Variants in ZFAT observed in about 807,000 individuals in gnomAD.
The protein encoded by ZFAT is zinc finger protein ZFAT.
ZFAT carries 64 observed loss-of-function variants against 117.7 expected under a neutral mutation model. The observed-to-expected ratio is 0.54, with a 90% confidence interval of 0.44 to 0.67. ZFAT has a LOEUF of 0.67. Among genes scored for constraint, ZFAT ranks in the 30% least tolerant of loss-of-function variants. The pLI is 0.00. For synonymous variants in ZFAT, 679 were observed against 615.0 expected (o/e 1.10, Z -1.54); for missense variants, 1,433 against 1,584.5 (o/e 0.90, Z 1.62).
intron 15 of ZFAT, among the ~76,000 whole-genome samples, chr8:134,502,242 C>T (rs372904688): frequency 4.0e-4 from 61 of 152,188 alleles, no homozygotes; most frequent in African/African-American, 1.4e-3. Flanking sequence ...TCTCTCAAGC[C>T]AGAGGCTGCA....
In ZFAT at chr8:134,661,865, C is replaced by A. The variant is rs111300143; in HGVS notation, c.20-4128G>T. Among the ~76,000 whole-genome samples, 4 of 152,188 alleles carry A rather than the reference C, an allele frequency of 2.6e-5. No homozygotes were observed. In the East Asian group the frequency reaches 5.8e-4, roughly 22 times the overall value. ...GCAGATGCCTACTAGGAGCAGGCAG[C>A]GCAAGACGGGGTGGGGTTCAGCTAC... On this transcript the variant is annotated intron_variant, in intron 1 of 15. Coordinates refer to ENST00000377838, the MANE Select transcript of ZFAT (RefSeq NM_020863.4).
At chr8:134,741,118 T>C in the ZFAT span, among the ~76,000 whole-genome samples, 1 of 152,104 alleles carries the variant, frequency 6.6e-6, no homozygotes, top group South Asian at 2.1e-4. Context: ...TCCACCTATA[T>C]TGACTCCTTC....
chr8:134,693,314 A>G (rs150425825), intron 1 of ZFAT, among the ~76,000 whole-genome samples: 42 of 152,336 alleles, frequency 2.8e-4, no homozygotes, highest in African/African-American at 7.2e-4. Flanking sequence ...ACGCTGAAGG[A>G]ATACAAAGGC....
intron 1 of ZFAT, among the ~76,000 whole-genome samples, chr8:134,675,254 A>AAAT (rs1163159066): frequency 6.6e-6 from 1 of 152,256 alleles, no homozygotes; most frequent in Non-Finnish European, 1.5e-5. Context: ...TTAGAGAAGA[A>AAAT]AATAAATGAC....
chr8:134,515,896 A>G (rs1689520183), intron 13 of ZFAT, among the ~76,000 whole-genome samples: 3 of 152,232 alleles, frequency 2.0e-5, no homozygotes, highest in Non-Finnish European at 1.5e-5. Flanking sequence ...AACTCATCCA[A>G]AAAAGAACTA....
chr8:134,828,097 T>C, the ZFAT span, among the ~76,000 whole-genome samples: 1 of 152,244 alleles, frequency 6.6e-6, no homozygotes, highest in Non-Finnish European at 1.5e-5. Flanking sequence ...AATGTACTTT[T>C]TAATCTATGT....
chr8:134,513,986 C>T (rs1273031218), intron 13 of ZFAT, among the ~76,000 whole-genome samples: 1 of 152,242 alleles, frequency 6.6e-6, no homozygotes, highest in African/African-American at 2.4e-5. Flanking sequence ...CAGGCAATGC[C>T]TGAGCCCGTG....
the ZFAT span, among the ~76,000 whole-genome samples, chr8:134,812,182 T>A: frequency 6.6e-6 from 1 of 151,962 alleles, no homozygotes; most frequent in Non-Finnish European, 1.5e-5. Flanking sequence ...AAAATACCTA[T>A]CTTGGAGGGT....
chr8:134,601,738 C>T lies in ZFAT; in HGVS notation c.1981G>A (p.Ala661Thr), dbSNP rs1356621442. ...QSPLGEGQNM[A>T]VLSAGDPDPS... is the part of the protein sequence containing the mutation. Reference sequence around the variant, plus strand: ...TCTGGGTCACCAGCTGAAAGCACAGCCATGTTCTGCCCTTCCCCTAGGGGG... The same window carrying T: ...TCTGGGTCACCAGCTGAAAGCACAGTCATGTTCTGCCCTTCCCCTAGGGGG... Residue 661 changes from alanine (A) to threonine (T), a missense_variant, in exon 6 of 16, where the codon GCT becomes ACT. Coordinates refer to ENST00000377838, the MANE Select transcript of ZFAT (RefSeq NM_020863.4). 1 of 1,613,330 alleles carries T rather than the reference C, an allele frequency of 6.2e-7. No homozygotes were observed. Among genetic ancestry groups the T allele is most frequent in the Non-Finnish European group, 8.5e-7 (1 of 1,179,614 alleles).
rs556783752 is a variant in ZFAT at position 134,533,032 on chromosome 8, T to C, written c.2977-60A>G. On this transcript the variant is annotated intron_variant, in intron 11 of 15. Transcript: ENST00000377838. ...AGCCCCAGATGTCTGCCTTCGCTGC[T>C]GCTCCCACCTGGTGAGCATCTGACA... 223 of 1,547,726 alleles carry C rather than the reference T, an allele frequency of 1.4e-4. 1 individual carries two copies. In the East Asian group the frequency reaches 4.5e-3, roughly 31 times the overall value.
chr8:134,591,050 G>A (rs1313568561), intron 7 of ZFAT, among the ~76,000 whole-genome samples: 2 of 152,158 alleles, frequency 1.3e-5, no homozygotes, highest in Non-Finnish European at 2.9e-5. Context: ...GTGGAGGCAG[G>A]TGGTACTCAA....
At chr8:134,680,507 A>C (rs1442938434) in intron 1 of ZFAT, among the ~76,000 whole-genome samples, 1 of 152,176 alleles carries the variant, frequency 6.6e-6, no homozygotes, top group African/African-American at 2.4e-5. Flanking sequence ...AGGGATGGTA[A>C]AAGGATGTAA....
the ZFAT span, chr8:134,804,848 A>G: frequency 4.9e-5 from 26 of 533,706 alleles, no homozygotes; most frequent in Middle Eastern, 3.2e-4. Context: ...GGACAGAATT[A>G]TATCAAGAGG....
Position 134,698,617 on chromosome 8 carries a change from G to A in ZFAT, c.19+14228C>T, listed in dbSNP as rs779293054. On this transcript the variant is annotated intron_variant, in intron 1 of 15. Coordinates refer to ENST00000377838, the MANE Select transcript of ZFAT (RefSeq NM_020863.4). ...TTCCCTGGGACATTCTGGTAGAAGC[G>A]TCAGACGGTCAGGTGAATCGTCAAA... Among the ~76,000 whole-genome samples, 7 of 152,134 alleles carry A rather than the reference G, an allele frequency of 4.6e-5. 1 individual carries two copies. In the South Asian group the frequency reaches 6.2e-4, roughly 14 times the overall value.
chr8:134,609,759 C>A (rs1361331012), intron 4 of ZFAT, among the ~76,000 whole-genome samples: 1 of 152,116 alleles, frequency 6.6e-6, no homozygotes. Context: ...TCCTAGAGAT[C>A]TTTTTTAAAA....
the ZFAT span, among the ~76,000 whole-genome samples, chr8:134,769,138 A>T: frequency 2.6e-5 from 4 of 151,902 alleles, no homozygotes; most frequent in Non-Finnish European, 4.4e-5. Flanking sequence ...ATGCCACTGC[A>T]CTCCAGCCTG....
chr8:134,685,409 A>G (rs540990873), intron 1 of ZFAT, among the ~76,000 whole-genome samples: 15 of 152,296 alleles, frequency 9.8e-5, no homozygotes, highest in African/African-American at 3.1e-4. Context: ...CCCAGCCCAC[A>G]GCCAGCGTCA....
chr8:134,768,707 G>A, the ZFAT span, among the ~76,000 whole-genome samples: 1 of 152,172 alleles, frequency 6.6e-6, no homozygotes, highest in Non-Finnish European at 1.5e-5. Context: ...CTCCCACCAG[G>A]TTCCTTCCAC....
chr8:134,632,009 A>G (rs1380660947), intron 3 of ZFAT, among the ~76,000 whole-genome samples: 1 of 152,194 alleles, frequency 6.6e-6, no homozygotes, highest in Admixed American at 6.5e-5. Flanking sequence ...ACTGAATTAT[A>G]TTTATTAAGA....
Sources: gnomAD v4.1 joint callset for allele counts (sites outside exome capture counted in the v4.1 genomes callset) on GRCh38, gnomAD v4.1.1 for gene constraint, MANE v1.5 for transcripts, NCBI Gene and HGNC (gene_info 2026-07-23, HGNC 2026-07-21) for gene names.